Variants in SYNPO observed in about 807,000 individuals in gnomAD.
The protein encoded by SYNPO is synaptopodin.
Under a neutral mutation model 49.5 loss-of-function variants are expected in SYNPO, and 19 were observed. The ratio of observed to expected loss-of-function variants is 0.38; its 90% CI spans 0.27 to 0.56. The LOEUF (loss-of-function observed/expected upper bound fraction) is 0.56, where lower values mean the gene tolerates loss of function less well. Ranked by LOEUF, SYNPO falls within the 20% of genes least tolerant of loss-of-function variation. The probability of loss-of-function intolerance (pLI) is 0.68; values close to 1 mark genes in which losing one functional copy is unlikely to be tolerated. For synonymous variants in SYNPO, 536 were observed against 548.0 expected (o/e 0.98, Z 0.31); for missense variants, 1,131 against 1,248.3 (o/e 0.91, Z 1.42).
chr5:150,633,911 C>T (rs917167583), intron 2 of SYNPO, among the ~76,000 whole-genome samples: 1 of 151,988 alleles, frequency 6.6e-6, no homozygotes, highest in African/African-American at 2.4e-5. Flanking sequence ...TGCTTGAGCT[C>T]AGGAGTTCAA....
the SYNPO span, among the ~76,000 whole-genome samples, chr5:150,596,002 A>G: frequency 6.6e-6 from 1 of 152,218 alleles, no homozygotes; most frequent in Non-Finnish European, 1.5e-5. Context: ...CTCTCCCATG[A>G]CCCTGCAAGG....
chr5:150,598,301 C>T (rs1756459929), upstream of SYNPO, among the ~76,000 whole-genome samples: 1 of 152,234 alleles, frequency 6.6e-6, no homozygotes, highest in South Asian at 2.1e-4. Context: ...GAGGCTGAGT[C>T]TCACTCCTCC....
At chr5:150,605,528 G>T (rs942915568) in intron 1 of SYNPO, among the ~76,000 whole-genome samples, 3 of 152,110 alleles carry the variant, frequency 2.0e-5, no homozygotes, top group Non-Finnish European at 4.4e-5. Flanking sequence ...ATGGGGAGAG[G>T]GGAAGGGGAG....
At chr5:150,639,927 TGG>T (rs1757840788), upstream of SYNPO, among the ~76,000 whole-genome samples, 1 of 150,904 alleles carries the variant, frequency 6.6e-6, no homozygotes, top group African/African-American at 2.5e-5. Context: ...GGGGGCAGCA[TGG>T]CCCACGTGAC....
At position 150,617,223 on chromosome 5, in the gene SYNPO, C is replaced by T. The variant is rs560650644; in HGVS notation, c.-265-880C>T. Among the ~76,000 whole-genome samples the T allele has an allele frequency of 2.0e-4, 30 of 152,290 alleles. No individual in the cohort carries two copies. In the South Asian group the frequency reaches 3.3e-3, roughly 17 times the overall value. Reference sequence around the variant, plus strand: ...GAGGTCCTGTGGCTGGCTTGTTGATCGTCACACAAATGGCAGAGCTAGGAT... The same window carrying T: ...GAGGTCCTGTGGCTGGCTTGTTGATTGTCACACAAATGGCAGAGCTAGGAT... On this transcript the variant is annotated intron_variant, in intron 1 of 2. Transcript: ENST00000394243.
upstream of SYNPO, among the ~76,000 whole-genome samples, chr5:150,639,934 C>G (rs577383235): frequency 6.6e-6 from 1 of 152,158 alleles, no homozygotes; most frequent in Non-Finnish European, 1.5e-5. Flanking sequence ...GCATGGCCCA[C>G]GTGACTGGCC....
chr5:150,611,017 A>T (rs1446120555), intron 1 of SYNPO, among the ~76,000 whole-genome samples: 1 of 152,122 alleles, frequency 6.6e-6, no homozygotes, highest in Non-Finnish European at 1.5e-5. Context: ...ATAATTGCAT[A>T]TGAGGATTTA....
intron 2 of SYNPO, chr5:150,650,878 G>T: frequency 7.9e-7 from 1 of 1,258,386 alleles, no homozygotes; most frequent in South Asian, 3.9e-5. Context: ...TCTGCCTTCT[G>T]GACACCGTTT....
In SYNPO at chr5:150,650,025, T is replaced by C. The variant is rs749539151; in HGVS notation, c.1750T>C (p.Ser584Pro). Residue 584 changes from serine to proline, a missense_variant, in exon 2 of 3, where the codon TCA becomes CCA. Coordinates refer to ENST00000307662, the MANE Select transcript of SYNPO (RefSeq NM_007286.6). ...LSPIKEPAKV[S>P]PRAASPAKPS... ...ACCTATCAAGGAGCCTGCCAAGGTC[T>C]CACCAAGAGCTGCCTCGCCCGCCAA... The C allele has an allele frequency of 6.2e-7, 1 of 1,612,450 alleles. No homozygotes were observed. Among genetic ancestry groups the C allele is most frequent in the East Asian group, 2.2e-5 (1 of 44,884 alleles).
In SYNPO at chr5:150,649,304, G is replaced by A. The variant is rs1758251659; in HGVS notation, c.1029G>A (p.Leu343=). The A allele has an allele frequency of 2.5e-6, 4 of 1,614,070 alleles. No individual in the cohort carries two copies. The highest frequency in any genetic ancestry group is 2.5e-6 in the Non-Finnish European group (3 of 1,180,032). ...WVRSPPSYSV[L]YPSSDPKSSH... ...GGTCTCCTCCCTCATATTCTGTCCT[G>A]TATCCCAGCTCCGACCCCAAGTCTT... is the stretch of plus-strand genomic sequence containing the variant. The change falls in exon 2 of 3, where the codon CTG becomes CTA. Residue 343 remains leucine (L), a synonymous_variant. Coordinates refer to ENST00000307662, the MANE Select transcript of SYNPO (RefSeq NM_007286.6).
At chr5:150,650,794 T>C in intron 2 of SYNPO, 1 of 1,289,964 alleles carries the variant, frequency 7.8e-7, no homozygotes, top group Non-Finnish European at 9.9e-7. Flanking sequence ...GGGGCCTCCC[T>C]CCTGAGGCTC....
chr5:150,648,395 T>C lies in SYNPO; in HGVS notation c.120T>C (p.Asn40=). 1 of 1,614,124 alleles carries C rather than the reference T, an allele frequency of 6.2e-7. No individual in the cohort carries two copies. Among genetic ancestry groups the C allele is most frequent in the Non-Finnish European group, 8.5e-7 (1 of 1,180,022 alleles). The change falls in exon 2 of 3, where the codon AAT becomes AAC. Residue 40 remains asparagine, a synonymous_variant. Transcript: ENST00000307662. This position sits in a 1 kb window ranked among gnomAD's most constrained non-coding sequence, Gnocchi z 5.0. ...LKENAALLTA[N]GLHLSQNREA... is the part of the protein sequence containing the mutation. ...AGAATGCAGCACTGCTGACAGCCAA[T>C]GGGCTGCACCTGTCCCAAAACCGAG...
the SYNPO span, among the ~76,000 whole-genome samples, chr5:150,590,304 T>A: frequency 6.6e-6 from 1 of 152,136 alleles, no homozygotes; most frequent in South Asian, 2.1e-4. Flanking sequence ...GCTGGGACCA[T>A]AGGCCCCTGG....
chr5:150,628,020 CTGTGTGTGTGTGTTTCTGTGTGTG>C, intron 2 of SYNPO, among the ~76,000 whole-genome samples: 1 of 142,212 alleles, frequency 7.0e-6, no homozygotes, highest in African/African-American at 2.7e-5. Flanking sequence ...GTGTGTGTTT[CTGTGTGTGTGTGTTTCTGTGTGTG>C]TGTGTGTGTG....
chr5:150,640,501 T>C (rs1757863456), upstream of SYNPO: 1 of 332,308 alleles, frequency 3.0e-6, no homozygotes, highest in Non-Finnish European at 4.3e-6. Flanking sequence ...TGATCCTCCA[T>C]GTCCTGGGGA....
chr5:150,587,337 T>A, the SYNPO span, among the ~76,000 whole-genome samples: 1 of 152,068 alleles, frequency 6.6e-6, no homozygotes, highest in East Asian at 1.9e-4. Flanking sequence ...TGTAGGTATA[T>A]GTGGATGCAG....
intron 1 of SYNPO, among the ~76,000 whole-genome samples, chr5:150,607,296 C>T (rs1756722124): frequency 6.6e-6 from 1 of 152,168 alleles, no homozygotes; most frequent in Non-Finnish European, 1.5e-5. Context: ...TGTTAGGCTG[C>T]ATTAATAAAG....
chr5:150,649,669 C>A lies in SYNPO; in HGVS notation c.1394C>A (p.Pro465Gln). 6.2e-7 allele frequency: 1 copy of A among 1,610,558 alleles called. No individual in the cohort carries two copies. Residue 465 changes from proline to glutamine, a missense_variant, in exon 2 of 3, where the codon CCG becomes CAG. Pro to Gln is a moderately conservative substitution (Grantham distance 76). This residue lies in a region of SYNPO where 602 missense variants were observed against 720.7 expected (regional missense o/e 0.84). Transcript: ENST00000307662. The part of the protein sequence containing the change: ...CLKSPRIQAK[P>Q]KPKPNQNLSE... ...AAGTCACCCCGCATCCAGGCCAAGC[C>A]GAAGCCCAAACCCAACCAGAACCTC...
intron 2 of SYNPO, among the ~76,000 whole-genome samples, chr5:150,625,371 G>T (rs1170133075): frequency 6.6e-6 from 1 of 152,180 alleles, no homozygotes. Flanking sequence ...TGGGGGCAGC[G>T]GGAACGGCCA....
Sources: gnomAD v4.1 joint callset for allele counts (sites outside exome capture counted in the v4.1 genomes callset) on GRCh38, gnomAD v4.1.1 for gene constraint, gnomAD v4.1.1 regional missense constraint, Gnocchi (gnomAD v3.1) non-coding constraint, MANE v1.5 for transcripts, NCBI Gene and HGNC (gene_info 2026-07-23, HGNC 2026-07-21) for gene names.